MSI2: variants seen among roughly 807,000 people sequenced by gnomAD.
MSI2 encodes RNA-binding protein Musashi homolog 2.
A neutral mutation model predicts 45.6 loss-of-function variants in MSI2; 17 were observed. The observed-to-expected ratio is 0.37, with a 90% CI of 0.26 to 0.56. MSI2 has a LOEUF of 0.56. Ranked by LOEUF, MSI2 falls within the 20% of genes least tolerant of loss-of-function variation. The pLI, the probability that MSI2 is intolerant of heterozygous loss-of-function variation, is 0.77. For synonymous variants in MSI2, 156 were observed against 158.2 expected (o/e 0.99, Z 0.11); for missense variants, 293 against 444.2 (o/e 0.66, Z 3.06).
chr17:57,698,824 G>T, the MSI2 span, among the ~76,000 whole-genome samples: 1 of 151,670 alleles, frequency 6.6e-6, no homozygotes, highest in Non-Finnish European at 1.5e-5. Context: ...CAGCAGCATA[G>T]TTCCTCTCCT....
intron 11 of MSI2, among the ~76,000 whole-genome samples, chr17:57,668,706 C>A (rs900638291): frequency 2.0e-5 from 3 of 152,128 alleles, no homozygotes; most frequent in Non-Finnish European, 4.4e-5. Flanking sequence ...CACCAGGCTG[C>A]GTTTGTACCT....
At chr17:57,677,348 T>C (rs2144758214) in intron 13 of MSI2, among the ~76,000 whole-genome samples, 1 of 152,336 alleles carries the variant, frequency 6.6e-6, no homozygotes, top group Middle Eastern at 3.4e-3. Flanking sequence ...TTCATCTTTC[T>C]CTGTCTTGAA....
At chr17:57,633,219 T>C in intron 10 of MSI2, 1 of 1,001,238 alleles carries the variant, frequency 1.0e-6, no homozygotes, top group Non-Finnish European at 1.2e-6. Context: ...CCTGACAGTG[T>C]CCTGTTCTCG....
chr17:57,461,239 C>T (rs2085221460), intron 6 of MSI2, among the ~76,000 whole-genome samples: 2 of 152,322 alleles, frequency 1.3e-5, no homozygotes, highest in South Asian at 2.1e-4. Context: ...CTGGGCTCCA[C>T]ACACAGACAG....
At chr17:57,390,561 C>T (rs965848471) in intron 5 of MSI2, among the ~76,000 whole-genome samples, 2 of 152,204 alleles carry the variant, frequency 1.3e-5, no homozygotes, top group Non-Finnish European at 2.9e-5. Context: ...TTGCCACGTA[C>T]ATCTAAAATA....
intron 6 of MSI2, among the ~76,000 whole-genome samples, chr17:57,497,841 T>C (rs924045501): frequency 6.6e-5 from 10 of 152,196 alleles, no homozygotes; most frequent in African/African-American, 2.4e-4. Flanking sequence ...TCAGCCCTGG[T>C]GTTCCCATAG....
In MSI2 at chr17:57,257,150, A is replaced by AG. The variant is rs747227491; in HGVS notation, c.103+19dup. On this transcript the variant is annotated intron_variant, in intron 2 of 13. Coordinates refer to ENST00000284073, the MANE Select transcript of MSI2 (RefSeq NM_138962.4). ...GCAGACCTCACCAGGTAAGGGAGGG[A>AG]GGGGGGGACGCCTGGGTCCCCCCCT... 47 of 454,416 alleles carry AG rather than the reference A, an allele frequency of 1.0e-4. 1 individual carries two copies. Among genetic ancestry groups the AG allele is most frequent in the South Asian group, 5.4e-4 (33 of 60,922 alleles). 28.1% of individuals were successfully genotyped at this position (454,416 alleles called of 1,614,324 possible). A position where few individuals can be genotyped will look rare whatever the true frequency, so the allele number is the denominator to read the frequency against.
intron 5 of MSI2, among the ~76,000 whole-genome samples, chr17:57,327,055 A>G (rs1402963771): frequency 6.6e-6 from 1 of 152,200 alleles, no homozygotes; most frequent in East Asian, 1.9e-4. Flanking sequence ...ACTTACAGAA[A>G]CAGACCATCC....
chr17:57,319,913 C>T (rs866385534), intron 5 of MSI2, among the ~76,000 whole-genome samples: 7 of 152,082 alleles, frequency 4.6e-5, no homozygotes, highest in South Asian at 4.1e-4. Flanking sequence ...TGTGCCCAGC[C>T]GAGTAGGGGT....
intron 7 of MSI2, among the ~76,000 whole-genome samples, chr17:57,563,711 C>CTG (rs1567902370): frequency 2.3e-3 from 319 of 141,688 alleles, no homozygotes; most frequent in African/African-American, 8.6e-3. Context: ...CTGTCTGTCT[C>CTG]TCTCTCTCTT....
intron 8 of MSI2, among the ~76,000 whole-genome samples, chr17:57,610,960 T>C (rs2144541079): frequency 1.0e-5 from 1 of 95,258 alleles, no homozygotes; most frequent in Admixed American, 1.0e-4. Context: ...GGGAGTGTTT[T>C]GTGGCATTGC....
intron 6 of MSI2, among the ~76,000 whole-genome samples, chr17:57,423,803 C>A (rs1365937484): frequency 1.3e-5 from 2 of 152,108 alleles, no homozygotes; most frequent in African/African-American, 4.8e-5. Flanking sequence ...TCTTTCTTTG[C>A]GAAGCTGGAG....
chr17:57,452,244 A>G (rs1235484634), intron 6 of MSI2, among the ~76,000 whole-genome samples: 1 of 152,168 alleles, frequency 6.6e-6, no homozygotes, highest in Non-Finnish European at 1.5e-5. Flanking sequence ...TCTCTGGGCA[A>G]TGCATCTTGC....
chr17:57,324,377 G>T (rs117873378), intron 5 of MSI2, among the ~76,000 whole-genome samples: 1 of 151,936 alleles, frequency 6.6e-6, no homozygotes, highest in African/African-American at 2.4e-5. Context: ...GCTGGCTCCC[G>T]CGGTCATATA....
intron 6 of MSI2, among the ~76,000 whole-genome samples, chr17:57,417,141 T>A (rs2084309765): frequency 6.6e-6 from 1 of 152,200 alleles, no homozygotes; most frequent in Non-Finnish European, 1.5e-5. Context: ...TTCCCTATGG[T>A]GGCCGCTGAA....
chr17:57,562,068 G>A (rs1051277662), intron 7 of MSI2, among the ~76,000 whole-genome samples: 8 of 152,174 alleles, frequency 5.3e-5, no homozygotes, highest in Non-Finnish European at 1.0e-4. Flanking sequence ...GATTAAATGA[G>A]GGAACATATA....
chr17:57,667,798 A>G (rs1598509037), intron 11 of MSI2, among the ~76,000 whole-genome samples: 1 of 152,004 alleles, frequency 6.6e-6, no homozygotes, highest in East Asian at 1.9e-4. Flanking sequence ...ACTGCTAACC[A>G]CCATCCTCCC....
At position 57,680,532 on chromosome 17, in the gene MSI2, G is replaced by C. The variant is rs1015791226; in HGVS notation, c.*1015G>C. 4.4e-6 allele frequency: 1 copy of C among 229,132 alleles called. No homozygotes were observed. Among genetic ancestry groups the C allele is most frequent in the Non-Finnish European group, 8.7e-6 (1 of 115,552 alleles). 14.2% of individuals were successfully genotyped at this position (229,132 alleles called of 1,614,324 possible). On this transcript the variant is annotated 3_prime_UTR_variant, in exon 14 of 14. Transcript: ENST00000284073. ...GCCAGGACCACCCCAGGACAAGTTA[G>C]AGCACTGTTTAGCTCCTTTGTCTGT...
intron 5 of MSI2, among the ~76,000 whole-genome samples, chr17:57,270,285 G>C (rs967583848): frequency 7.4e-6 from 1 of 135,892 alleles, no homozygotes; most frequent in Admixed American, 6.8e-5. Flanking sequence ...CCGTTTGACA[G>C]TGGGTAAACT....
Sources: gnomAD v4.1 joint callset for allele counts (sites outside exome capture counted in the v4.1 genomes callset) on GRCh38, gnomAD v4.1.1 for gene constraint, MANE v1.5 for transcripts, NCBI Gene and HGNC (gene_info 2026-07-23, HGNC 2026-07-21) for gene names.